The following ECE2 variants were observed in gnomAD, a reference collection of about 807,000 sequenced individuals.
ECE2 encodes endothelin-converting enzyme 2.
Under a neutral mutation model 100.6 loss-of-function variants are expected in ECE2, and 81 were observed. The ratio of observed to expected loss-of-function variants is 0.81; its 90% confidence interval spans 0.67 to 0.97. The LOEUF (loss-of-function observed/expected upper bound fraction) is 0.97, where lower values mean the gene tolerates loss of function less well. Ranked by LOEUF, ECE2 falls within the 50% of genes least tolerant of loss-of-function variation. The pLI is 0.00. For missense variants in ECE2, 911 were observed against 988.1 expected (o/e 0.92, Z 1.05); for synonymous variants, 391 against 391.5 (o/e 1.00, Z 0.02).
chr3:184,281,237 TGGA>T (rs1161331091), intron 7 of ECE2, among the ~76,000 whole-genome samples: 1 of 152,144 alleles, frequency 6.6e-6, no homozygotes, highest in African/African-American at 2.4e-5. Context: ...ACCCTCTGAG[TGGA>T]GGAGAAGGCA....
intron 11 of ECE2, 81 bp downstream of exon 11, chr3:184,288,028 G>C (rs1721136681): frequency 7.3e-7 from 1 of 1,366,392 alleles, no homozygotes. Flanking sequence ...AAAACAACGG[G>C]AGCCAGGCGC....
At chr3:184,276,350 A>C (rs1318124954) in intron 1 of ECE2, 131 bp from the exon 2 acceptor site, 10 of 1,396,250 alleles carry the variant, frequency 7.2e-6, no homozygotes, top group Non-Finnish European at 9.7e-6. Flanking sequence ...GCCCGAGAGC[A>C]GGGCAGGTGG....
chr3:184,291,415 GCTC>G lies in ECE2; in HGVS notation c.2098_2100del (p.Leu700del), dbSNP rs1721311254. 2 of 1,599,510 alleles carry G rather than the reference GCTC, an allele frequency of 1.3e-6. No homozygotes were observed. Among genetic ancestry groups the G allele is most frequent in the Admixed American group, 1.7e-5 (1 of 58,272 alleles). ...CAGCCGTGGGGCTCACCAACCACCA[GCTC>G]TTCTTCGTGGGATTTGCCCAGGTAT... On this transcript the variant is annotated inframe_deletion, in exon 18 of 19. Transcript: ENST00000404464. The surrounding 1 kb of genome is among the most constrained non-coding windows in gnomAD (Gnocchi z 4.1).
chr3:184,284,079 T>G, intron 8 of ECE2, 106 bp downstream of exon 8: 13 of 1,348,380 alleles, frequency 9.6e-6, no homozygotes, highest in Admixed American at 2.2e-5. Flanking sequence ...CCTTTCCTCA[T>G]TCCCTTGCTT....
chr3:184,279,178 C>T (rs1218208760), intron 7 of ECE2, among the ~76,000 whole-genome samples: 12 of 151,752 alleles, frequency 7.9e-5, no homozygotes, highest in African/African-American at 2.9e-4. Context: ...GTCGTGGTGG[C>T]AGGCACCTGT....
intron 11 of ECE2, among the ~76,000 whole-genome samples, chr3:184,288,381 G>A (rs1721165167): frequency 6.6e-6 from 1 of 151,590 alleles, no homozygotes; most frequent in South Asian, 2.1e-4. Flanking sequence ...AAATGAAGTA[G>A]TGCTGCTTTG....
In ECE2 at chr3:184,291,335, T is replaced by C; in HGVS notation, c.2026-9T>C. 6.2e-7 allele frequency: 1 copy of C among 1,602,116 alleles called. No homozygotes were observed. Among genetic ancestry groups the C allele is most frequent in the Non-Finnish European group, 8.5e-7 (1 of 1,173,294 alleles). On this transcript the variant is annotated splice_polypyrimidine_tract_variant and intron_variant, in intron 17 of 18. Coordinates refer to ENST00000404464, the MANE Select transcript of ECE2 (RefSeq NM_001100121.2). The surrounding 1 kb of genome is among the most constrained non-coding windows in gnomAD (Gnocchi z 4.1). Reference sequence around the variant, plus strand: ...TGGATGGGCTTGTTGCCCACTGTTCTGTCCCCAGGCTTACAAAGCATGGCT... The same window carrying C: ...TGGATGGGCTTGTTGCCCACTGTTCCGTCCCCAGGCTTACAAAGCATGGCT...
chr3:184,278,774 CA>C, intron 7 of ECE2: 1 of 591,290 alleles, frequency 1.7e-6, no homozygotes, highest in Non-Finnish European at 3.0e-6. Flanking sequence ...TAGTAGGTTT[CA>C]TAGACACCTA....
intron 11 of ECE2, 141 bp downstream of exon 11, chr3:184,288,088 A>C: frequency 1.5e-6 from 1 of 666,880 alleles, no homozygotes; most frequent in Non-Finnish European, 2.5e-6. Flanking sequence ...AGGCGGGTGA[A>C]TCATGGGGTC....
chr3:184,284,114 T>G (rs1720928853), intron 8 of ECE2, 141 bp downstream of exon 8: 3 of 1,069,904 alleles, frequency 2.8e-6, no homozygotes, highest in Non-Finnish European at 4.0e-6. Flanking sequence ...GCTGCACTGC[T>G]GCTGTCCTGG....
intron 1 of ECE2, 32 bp downstream of exon 1, chr3:184,276,224 G>A: frequency 6.9e-7 from 1 of 1,445,576 alleles, no homozygotes; most frequent in Non-Finnish European, 9.0e-7. Context: ...CACGGGAGGG[G>A]ACTGGGTGGA....
intron 4 of ECE2, among the ~76,000 whole-genome samples, 160 bp downstream of exon 4, chr3:184,277,626 A>T (rs970756575): frequency 6.6e-6 from 1 of 152,202 alleles, no homozygotes; most frequent in Admixed American, 6.5e-5. Context: ...ACTATTGAGA[A>T]GTGCAGATGG....
rs779288206 is a variant in ECE2, at chr3:184,283,931, CGAG to C, written c.967_969del (p.Glu323del). The C allele has an allele frequency of 4.3e-6, 7 of 1,613,950 alleles. No homozygotes were observed. The highest frequency in any genetic ancestry group is 1.7e-5 in the Admixed American group (1 of 59,992). On this transcript the variant is annotated inframe_deletion, in exon 8 of 19. Coordinates refer to ENST00000404464, the MANE Select transcript of ECE2 (RefSeq NM_001100121.2). ...CAGTGCCCCAGGACCAGCGGCGCGA[CGAG>C]GAGAAGATCTACCACAAGATGAGCA...
chr3:184,290,352 G>A lies in ECE2; in HGVS notation c.1649G>A (p.Arg550Gln), dbSNP rs749556965. The change falls in exon 14 of 19, where the codon CGA (arginine) becomes CAA (glutamine). Residue 550 changes from arginine (R) to glutamine (Q), a missense_variant. Transcript: ENST00000404464. ...GACCAGCTCCGCAAGCCTCCCAGCCGAGACCAGTGAGAATGACGGGGTGGA... is the reference window on the plus strand; with the variant it reads ...GACCAGCTCCGCAAGCCTCCCAGCCAAGACCAGTGAGAATGACGGGGTGGA... Reference protein sequence around the residue: ...MADQLRKPPSRDQWSMTPQTV... With the variant: ...MADQLRKPPSQDQWSMTPQTV... 1.9e-5 allele frequency: 31 copies of A among 1,613,822 alleles called. No individual in the cohort carries two copies. Among genetic ancestry groups the A allele is most frequent in the East Asian group, 8.9e-5 (4 of 44,870 alleles).
At chr3:184,276,345 A>G in intron 1 of ECE2, 136 bp from the exon 2 acceptor site, 1 of 1,366,432 alleles carries the variant, frequency 7.3e-7, no homozygotes, top group Non-Finnish European at 1.0e-6. Flanking sequence ...CCCGGGCCCG[A>G]GAGCAGGGCA....
At chr3:184,292,023 C>T (rs1348782812) in intron 18 of ECE2, 39 bp from the exon 19 acceptor site, 1 of 1,581,624 alleles carries the variant, frequency 6.3e-7, no homozygotes, top group Admixed American at 1.7e-5. Context: ...CGGCTCCACA[C>T]TAGACACCAT....
chr3:184,282,244 A>C (rs1368008533), intron 7 of ECE2, among the ~76,000 whole-genome samples: 1 of 152,208 alleles, frequency 6.6e-6, no homozygotes, highest in African/African-American at 2.4e-5. Context: ...AGGAGCTGGG[A>C]TGACTGGGAT....
Position 184,276,876 on chromosome 3 carries a change from C to T in ECE2, c.127-16C>T. ...CCCTGCATCTCAGTCACTCTCTGTCCCCCTGTGTTCCCCAGGTGGGATTCC... is the reference window on the plus strand; with the variant it reads ...CCCTGCATCTCAGTCACTCTCTGTCTCCCTGTGTTCCCCAGGTGGGATTCC... On this transcript the variant is annotated splice_polypyrimidine_tract_variant and intron_variant, in intron 2 of 18. Transcript: ENST00000404464. The T allele has an allele frequency of 1.2e-6, 2 of 1,613,684 alleles. No homozygotes were observed. Among genetic ancestry groups the T allele is most frequent in the Non-Finnish European group, 1.7e-6 (2 of 1,179,768 alleles).
chr3:184,291,013 T>C lies in ECE2; in HGVS notation c.1835-27T>C, dbSNP rs201663482. 2.8e-5 allele frequency: 44 copies of C among 1,552,916 alleles called. No individual in the cohort carries two copies. The highest frequency in any genetic ancestry group is 3.8e-5 in the Non-Finnish European group (44 of 1,150,096). On this transcript the variant is annotated intron_variant, in intron 16 of 18. Coordinates refer to ENST00000404464, the MANE Select transcript of ECE2 (RefSeq NM_001100121.2). This position sits in a 1 kb window ranked among gnomAD's most constrained non-coding sequence, Gnocchi z 4.1. ...CCCAAGAGACGAGCTCTGGTTTTGG[T>C]GGGGTGCAAAGGTGAGTTCTCCTCA...
Sources: gnomAD v4.1 joint callset for allele counts (sites outside exome capture counted in the v4.1 genomes callset) on GRCh38, gnomAD v4.1.1 for gene constraint, Gnocchi (gnomAD v3.1) non-coding constraint, MANE v1.5 for transcripts, NCBI Gene and HGNC (gene_info 2026-07-23, HGNC 2026-07-21) for gene names.